Variants in CCDC32 observed in about 807,000 individuals in gnomAD.
CCDC32 encodes coiled-coil domain-containing protein 32.
In CCDC32, 9 loss-of-function variants were observed where a neutral mutation model predicts 20.1. That is an observed-to-expected ratio of 0.45 (90% CI 0.27 to 0.78). The LOEUF (loss-of-function observed/expected upper bound fraction) is 0.78, where lower values mean the gene tolerates loss of function less well. Among genes scored for constraint, CCDC32 ranks in the 30% least tolerant of loss-of-function variants. The pLI is 0.16. For missense variants in CCDC32, 204 were observed against 215.5 expected (o/e 0.95, Z 0.33); for synonymous variants, 63 against 79.0 (o/e 0.80, Z 1.07).
At chr15:40,535,048 G>A, downstream of CCDC32, 1 of 722,824 alleles carries the variant, frequency 1.4e-6, no homozygotes, top group Admixed American at 2.0e-5. Flanking sequence ...GGAAAGTCCT[G>A]GGGGACCAGA....
Position 40,553,408 on chromosome 15 carries a change from G to A in CCDC32, c.*563C>T. On this transcript the variant is annotated 3_prime_UTR_variant, in exon 4 of 4. Transcript: ENST00000416810. Reference sequence around the variant, plus strand: ...GGAACAAATGAGAGAAAGAAGCCCAGCCTCTCTCCCTGGAGTCCGTATACT... The same window carrying A: ...GGAACAAATGAGAGAAAGAAGCCCAACCTCTCTCCCTGGAGTCCGTATACT... The A allele has an allele frequency of 1.0e-6, 1 of 985,288 alleles. No homozygotes were observed. The highest frequency in any genetic ancestry group is 1.2e-6 in the Non-Finnish European group (1 of 829,862). The allele number at this position is 985,288 out of a possible 1,614,324, so 61.0% of individuals were successfully genotyped here.
At chr15:40,552,959 T>C (rs999837242), downstream of CCDC32, 4 of 204,198 alleles carry the variant, frequency 2.0e-5, no homozygotes, top group Non-Finnish European at 3.4e-5. Context: ...AAGTCTGGAC[T>C]GTCTGAGGGC....
downstream of CCDC32, among the ~76,000 whole-genome samples, chr15:40,526,957 T>C (rs1024554352): frequency 1.3e-5 from 2 of 152,164 alleles, no homozygotes; most frequent in African/African-American, 4.8e-5. Context: ...TTACTTTCTT[T>C]TTTGAGACAG....
chr15:40,544,583 A>T (rs1002322628), intron 3 of CCDC32, among the ~76,000 whole-genome samples: 4 of 152,184 alleles, frequency 2.6e-5, no homozygotes, highest in African/African-American at 9.7e-5. Context: ...AACTGGAATC[A>T]TGTCAGCCCA....
At chr15:40,540,611 T>C (rs892048392) in intron 3 of CCDC32, among the ~76,000 whole-genome samples, 4 of 152,040 alleles carry the variant, frequency 2.6e-5, no homozygotes, top group African/African-American at 9.7e-5. Flanking sequence ...TCAGGTGATC[T>C]GCCTGCCTTG....
downstream of CCDC32, among the ~76,000 whole-genome samples, chr15:40,549,810 G>A (rs1363245126): frequency 6.6e-6 from 1 of 152,174 alleles, no homozygotes. Context: ...AAAGCTGGTT[G>A]GGATAATTTA....
intron 2 of CCDC32, among the ~76,000 whole-genome samples, chr15:40,560,725 G>A (rs1890565261): frequency 6.6e-6 from 1 of 152,224 alleles, no homozygotes; most frequent in Non-Finnish European, 1.5e-5. Flanking sequence ...GACAATAGAT[G>A]TTGGCACGGA....
In CCDC32 at chr15:40,557,322, C is replaced by T. The variant is rs764342494; in HGVS notation, c.295G>A (p.Asp99Asn). The T allele has an allele frequency of 2.5e-5, 41 of 1,613,890 alleles. No individual in the cohort carries two copies. The highest frequency in any genetic ancestry group is 1.9e-4 in the South Asian group (17 of 91,038). Residue 99 changes from aspartate (D) to asparagine (N), a missense_variant, in exon 3 of 4, where the codon GAC becomes AAC. Asp to Asn is a conservative substitution (Grantham distance 23). Transcript: ENST00000416810. ...KGLNQEVTSK[D>N]MLRTLAQAKK... ...GCTTGGGCCAGAGTTCGAAGCATGTCCTTGGAAGTCACTTCCTGATTTAAA... is the reference window on the plus strand; with the variant it reads ...GCTTGGGCCAGAGTTCGAAGCATGTTCTTGGAAGTCACTTCCTGATTTAAA...
At chr15:40,532,116 T>C, downstream of CCDC32, 1 of 533,650 alleles carries the variant, frequency 1.9e-6, no homozygotes, top group Non-Finnish European at 3.3e-6. Flanking sequence ...GGGTTCTCGC[T>C]CAAGGTGTTC....
intron 3 of CCDC32, among the ~76,000 whole-genome samples, chr15:40,547,562 G>C (rs1411513725): frequency 6.6e-6 from 1 of 152,166 alleles, no homozygotes; most frequent in Non-Finnish European, 1.5e-5. Context: ...TCCTGCTTCT[G>C]CCCCTGGGTA....
At chr15:40,531,604 G>C (rs558821504), downstream of CCDC32, 1 of 152,004 alleles carries the variant, frequency 6.6e-6, no homozygotes, top group Non-Finnish European at 1.5e-5. Context: ...ATTTTGCATA[G>C]ATTTTGATTT....
At chr15:40,539,191 A>T (rs1231954651), downstream of CCDC32, 14 of 1,485,922 alleles carry the variant, frequency 9.4e-6, no homozygotes, top group Admixed American at 5.9e-5. Context: ...AGAAAGGTCA[A>T]TCCCACATGG....
In CCDC32 at chr15:40,564,760, G is replaced by A. The variant is rs1235950971; in HGVS notation, c.-13+216C>T. ...TAAAGCCACCCAAAACCAAAACTTT[G>A]CTCACACCAGAGCCCCGCATGGCCC... On this transcript the variant is annotated intron_variant, in intron 1 of 3. Coordinates refer to ENST00000416810, the MANE Select transcript of CCDC32 (RefSeq NM_001080792.4). 3 of 1,614,172 alleles carry A rather than the reference G, an allele frequency of 1.9e-6. No homozygotes were observed. The South Asian group carries it at 3.3e-5, about 18-fold the overall frequency.
the CCDC32 span, among the ~76,000 whole-genome samples, chr15:40,522,188 T>C: frequency 2.0e-5 from 3 of 152,212 alleles, no homozygotes; most frequent in Non-Finnish European, 4.4e-5. Context: ...TATCCAGTTG[T>C]CCCAACACCA....
chr15:40,546,755 G>A (rs2141619596), intron 3 of CCDC32, among the ~76,000 whole-genome samples: 1 of 150,610 alleles, frequency 6.6e-6, no homozygotes, highest in African/African-American at 2.4e-5. Flanking sequence ...AGGCTGGAGT[G>A]TAGTGGGGCC....
At chr15:40,535,530 C>T (rs1020141010), downstream of CCDC32, 63 of 985,740 alleles carry the variant, frequency 6.4e-5, no homozygotes, top group Non-Finnish European at 7.3e-5. Flanking sequence ...TTTCAGGGCC[C>T]GCCCCTTCTC....
downstream of CCDC32, chr15:40,535,265 TAAATG>T (rs1419467864): frequency 2.2e-6 from 3 of 1,363,514 alleles, no homozygotes; most frequent in Non-Finnish European, 2.8e-6. Context: ...AATGACTAAT[TAAATG>T]AAACAGCCCA....
downstream of CCDC32, chr15:40,535,006 C>T: frequency 1.4e-6 from 1 of 704,606 alleles, no homozygotes; most frequent in African/African-American, 1.7e-5. Context: ...TTCCCGAGCC[C>T]ATGCCTGCCG....
downstream of CCDC32, among the ~76,000 whole-genome samples, chr15:40,530,060 G>A (rs201763431): frequency 5.0e-4 from 75 of 151,234 alleles, 1 homozygote; most frequent in East Asian, 0.014. Context: ...GGGAGACCAA[G>A]GTGGGTGGAT....
Sources: allele counts gnomAD v4.1 joint callset (sites outside exome capture counted in the v4.1 genomes callset), GRCh38; gene constraint gnomAD v4.1.1; transcripts MANE v1.5; gene names NCBI Gene and HGNC (gene_info 2026-07-23, HGNC 2026-07-21).